GCNA: variants seen among roughly 807,000 people sequenced by gnomAD.
GCNA encodes the protein germ cell nuclear acidic protein.
In GCNA, 3 loss-of-function variants were observed where a neutral mutation model predicts 38.8. The observed-to-expected ratio is 0.08, with a 90% CI of 0.04 to 0.20. The LOEUF is 0.20. GCNA is among the 10% of genes least tolerant of loss of function. The pLI is 1.00. For synonymous variants in GCNA, 195 were observed against 240.2 expected (o/e 0.81, Z 1.74); for missense variants, 446 against 578.6 (o/e 0.77, Z 2.35).
At chrX:71,580,496 A>G (rs1426137783) in intron 1 of GCNA, 2 of 147,820 alleles carry the variant, frequency 1.4e-5, no homozygotes, top group Non-Finnish European at 2.5e-5. Context: ...CTTTTTTGAG[A>G]TGGAGTCTAG....
chrX:71,583,471 G>C (rs374261431), intron 2 of GCNA, among the ~76,000 whole-genome samples: 1 of 110,718 alleles, frequency 9.0e-6, no homozygotes, highest in Non-Finnish European at 1.9e-5. Flanking sequence ...TTAAAAAAGC[G>C]GGGGGTGTGG....
Position 71,604,067 on chromosome X carries a change from G to A in GCNA, c.790G>A (p.Ala264Thr), listed in dbSNP as rs745855148. Reference sequence around the variant, plus strand: ...CGACGACAGCAGTGATGATTCGGAAGCTCCCGACGACAGCAGTGATGATTC... The same window carrying A: ...CGACGACAGCAGTGATGATTCGGAAACTCCCGACGACAGCAGTGATGATTC... ...APDDSSDDSE[A>T]PDDSSDDSEA... is the part of the protein sequence containing the mutation. Residue 264 changes from alanine to threonine, a missense_variant, in exon 8 of 13, where the codon GCT (alanine) becomes ACT (threonine). Physicochemically the swap from Ala to Thr is moderately conservative, Grantham distance 58 (BLOSUM62 0). Transcript: ENST00000373696. The A allele has an allele frequency of 3.6e-5, 39 of 1,098,419 alleles. No individual in the cohort carries two copies. Among genetic ancestry groups the A allele is most frequent in the Non-Finnish European group, 4.6e-5 (37 of 810,420 alleles). The allele number at this position is 1,098,419 out of a possible 1,213,427, so 90.5% of individuals were successfully genotyped here. A position where few individuals can be genotyped will look rare whatever the true frequency, so the allele number is the denominator to read the frequency against.
chrX:71,612,840 G>A (rs752344196), intron 12 of GCNA, 22 bp from the exon 13 acceptor site: 2 of 1,205,327 alleles, frequency 1.7e-6, no homozygotes, highest in East Asian at 5.9e-5. Flanking sequence ...CTTTTGTTGT[G>A]TGTTGTTCCA....
intron 7 of GCNA, among the ~76,000 whole-genome samples, 157 bp downstream of exon 7, chrX:71,598,195 C>T (rs1048981644): frequency 8.9e-6 from 1 of 111,873 alleles, no homozygotes; most frequent in Non-Finnish European, 1.9e-5. Flanking sequence ...TGGATATGGC[C>T]GGGTTCCCTA....
intron 2 of GCNA, among the ~76,000 whole-genome samples, chrX:71,581,212 C>CT (rs1306339196): frequency 8.9e-6 from 1 of 112,275 alleles, no homozygotes; most frequent in East Asian, 2.8e-4. Flanking sequence ...AGTGCTGCCT[C>CT]TAGAGGTACA....
chrX:71,603,161 A>G (rs779455185), intron 7 of GCNA, among the ~76,000 whole-genome samples: 1 of 112,059 alleles, frequency 8.9e-6, no homozygotes, highest in South Asian at 3.7e-4. Flanking sequence ...TGCCAGTACC[A>G]TGCTGTTTTG....
chrX:71,583,792 G>C (rs997861785), intron 2 of GCNA, among the ~76,000 whole-genome samples: 41 of 105,031 alleles, frequency 3.9e-4, no homozygotes, highest in African/African-American at 1.4e-3. Context: ...CTGCCTCCTG[G>C]GTTCAAGCAA....
At chrX:71,607,167 C>T (rs1303055408) in intron 9 of GCNA, among the ~76,000 whole-genome samples, 1 of 112,037 alleles carries the variant, frequency 8.9e-6, no homozygotes, top group African/African-American at 3.2e-5. Context: ...CACAGGGGTC[C>T]GGGCTCTGCC....
intron 1 of GCNA, among the ~76,000 whole-genome samples, chrX:71,578,761 G>A (rs1390075587): frequency 1.8e-5 from 2 of 108,554 alleles, no homozygotes; most frequent in African/African-American, 6.7e-5. Flanking sequence ...CGCCAGTGGC[G>A]GCATTGGGAG....
rs186901313 is a variant in GCNA, at chrX:71,606,261, C to A, written c.1466+532C>A. Among the ~76,000 whole-genome samples the A allele has an allele frequency of 3.6e-5, 4 of 112,229 alleles. No homozygotes were observed. The East Asian group carries it at 1.1e-3, about 31-fold the overall frequency. ...CTTTGGCTGAACCCAGTTACTCTTA[C>A]TACTATGTATATCTGTATGAATTTT... On this transcript the variant is annotated intron_variant, in intron 9 of 12. Coordinates refer to ENST00000373696, the MANE Select transcript of GCNA (RefSeq NM_052957.5).
At chrX:71,598,594 G>A (rs751114806) in intron 7 of GCNA, among the ~76,000 whole-genome samples, 7 of 110,406 alleles carry the variant, frequency 6.3e-5, no homozygotes, top group Admixed American at 9.7e-5. Context: ...CCTGTTTCCC[G>A]TGGCAGTTCC....
At position 71,612,478 on chromosome X, in the gene GCNA, C is replaced by A. The variant is rs1175809051; in HGVS notation, c.1874C>A (p.Pro625Gln). ...YYARKSNRIHPELPRVTRCHN... is the reference protein window; with the variant it reads ...YYARKSNRIHQELPRVTRCHN... ...GCCAGGAAATCCAACAGGATACACC[C>A]GGAGCTGCCCAGGGTCACCCGTTGC... Residue 625 changes from proline to glutamine, a missense_variant, in exon 12 of 13, where the codon CCG becomes CAG. Transcript: ENST00000373696. 8.3e-7 allele frequency: 1 copy of A among 1,209,645 alleles called. No homozygotes were observed.
intron 2 of GCNA, among the ~76,000 whole-genome samples, chrX:71,581,240 C>T (rs746724113): frequency 8.9e-6 from 1 of 111,909 alleles, no homozygotes; most frequent in African/African-American, 3.3e-5. Context: ...TTTTCTTCTC[C>T]ATGATAACAC....
chrX:71,580,766 G>A (rs112973179), intron 1 of GCNA, 54 bp from the exon 2 acceptor site: 3 of 1,121,445 alleles, frequency 2.7e-6, no homozygotes, highest in African/African-American at 3.6e-5. Context: ...GAGCCACTGC[G>A]CCCGGCCGAG....
At chrX:71,592,905 T>A (rs1236068476) in intron 4 of GCNA, among the ~76,000 whole-genome samples, 1 of 112,143 alleles carries the variant, frequency 8.9e-6, no homozygotes, top group East Asian at 2.8e-4. Flanking sequence ...TTTTTATTTG[T>A]ATTTTTATTT....
intron 2 of GCNA, among the ~76,000 whole-genome samples, chrX:71,589,997 T>C (rs1179948181): frequency 9.3e-6 from 1 of 107,465 alleles, no homozygotes; most frequent in African/African-American, 3.4e-5. Context: ...CTTGAACTCC[T>C]GGGCTCAAGT....
At chrX:71,591,724 T>C (rs1476909888) in intron 2 of GCNA, among the ~76,000 whole-genome samples, 1 of 111,306 alleles carries the variant, frequency 9.0e-6, no homozygotes, top group African/African-American at 3.3e-5. Context: ...ACTGCAACCT[T>C]GAATTCCTGG....
At chrX:71,578,988 CTGG>C (rs1166202542) in intron 1 of GCNA, among the ~76,000 whole-genome samples, 3 of 90,116 alleles carry the variant, frequency 3.3e-5, no homozygotes, top group African/African-American at 4.3e-5. Flanking sequence ...AGTGGGGGTG[CTGG>C]TGGTGGTGTA....
At chrX:71,597,890 GA>G in intron 6 of GCNA, 59 bp from the exon 7 acceptor site, 1 of 932,491 alleles carries the variant, frequency 1.1e-6, no homozygotes, top group South Asian at 2.2e-5. Flanking sequence ...GAAATGCCAT[GA>G]AAAAGAAGAC....
Sources: allele counts gnomAD v4.1 joint callset (sites outside exome capture counted in the v4.1 genomes callset), GRCh38; gene constraint gnomAD v4.1.1; transcripts MANE v1.5; gene names NCBI Gene and HGNC (gene_info 2026-07-23, HGNC 2026-07-21).